ERBB4: variants seen among roughly 807,000 people sequenced by gnomAD.
ERBB4 encodes erb-b2 receptor tyrosine kinase 4, also known as receptor tyrosine-protein kinase erbB-4.
A neutral mutation model predicts 158.0 loss-of-function variants in ERBB4; 42 were observed. That is an observed-to-expected ratio of 0.27 (90% CI 0.21 to 0.34). The LOEUF (loss-of-function observed/expected upper bound fraction) is 0.34. Among genes scored for constraint, ERBB4 ranks in the 10% least tolerant of loss-of-function variants. The pLI is 1.00. For missense variants in ERBB4, 1,333 were observed against 1,624.1 expected (o/e 0.82, Z 3.08); for synonymous variants, 583 against 558.7 (o/e 1.04, Z -0.61).
Position 211,575,052 on chromosome 2 carries a change from C to G in ERBB4, c.2302-12964G>C, listed in dbSNP as rs149960037. Among the ~76,000 whole-genome samples, 141 of 152,244 alleles carry G rather than the reference C, an allele frequency of 9.3e-4. 1 individual carries two copies. In the East Asian group the frequency reaches 0.019, roughly 21 times the overall value. On this transcript the variant is annotated intron_variant, in intron 19 of 27. Transcript: ENST00000342788. ...GCAAGACACATTTAAAAGGGATAAA[C>G]CATTTGCCATGATTCTAAATTCCTT...
At chr2:212,228,784 G>C (rs2083564510) in intron 1 of ERBB4, among the ~76,000 whole-genome samples, 1 of 152,212 alleles carries the variant, frequency 6.6e-6, no homozygotes, top group Non-Finnish European at 1.5e-5. Flanking sequence ...TAATCAACCA[G>C]ATGATGATAT....
At chr2:211,947,126 G>A (rs2080721780) in intron 3 of ERBB4, among the ~76,000 whole-genome samples, 1 of 152,086 alleles carries the variant, frequency 6.6e-6, no homozygotes, top group South Asian at 2.1e-4. Flanking sequence ...ATGGTCCACT[G>A]TTCACCTGAA....
chr2:212,529,282 T>C (rs1032248965), intron 1 of ERBB4, among the ~76,000 whole-genome samples: 1 of 152,158 alleles, frequency 6.6e-6, no homozygotes, highest in Non-Finnish European at 1.5e-5. Context: ...AACATTAAAA[T>C]ACTGAACTAC....
At chr2:211,949,353 A>G (rs1472244959) in intron 2 of ERBB4, among the ~76,000 whole-genome samples, 2 of 152,176 alleles carry the variant, frequency 1.3e-5, no homozygotes, top group African/African-American at 4.8e-5. Flanking sequence ...ATGTATCAAA[A>G]TCTTTATGCC....
chr2:211,493,852 G>T (rs1006520472), intron 20 of ERBB4, among the ~76,000 whole-genome samples: 37 of 151,964 alleles, frequency 2.4e-4, no homozygotes, highest in African/African-American at 8.7e-4. Context: ...TCTCCAAATG[G>T]CATCAGTGTC....
chr2:212,393,734 T>A (rs2106443646), intron 1 of ERBB4, among the ~76,000 whole-genome samples: 1 of 152,248 alleles, frequency 6.6e-6, no homozygotes, highest in Admixed American at 6.6e-5. Context: ...TTTTCAAAAA[T>A]TTCCCTAAAA....
chr2:211,443,221 G>A (rs1424976752), intron 20 of ERBB4, among the ~76,000 whole-genome samples: 3 of 151,854 alleles, frequency 2.0e-5, no homozygotes, highest in Admixed American at 6.6e-5. Context: ...TAAAAATAAA[G>A]GAAGAGGAAA....
At chr2:211,910,851 A>G (rs1335332304) in intron 3 of ERBB4, among the ~76,000 whole-genome samples, 2 of 152,202 alleles carry the variant, frequency 1.3e-5, no homozygotes, top group Admixed American at 6.5e-5. Flanking sequence ...TAAGGGAACA[A>G]TAAGTCAATA....
chr2:211,388,095 C>A, intron 25 of ERBB4, 103 bp from the exon 26 acceptor site: 1 of 862,622 alleles, frequency 1.2e-6, no homozygotes, highest in Non-Finnish European at 2.0e-6. Context: ...GTCGTATGAA[C>A]CAAAGGGGAA....
At chr2:211,581,336 TC>T (rs2068097985) in intron 19 of ERBB4, among the ~76,000 whole-genome samples, 1 of 151,664 alleles carries the variant, frequency 6.6e-6, no homozygotes, top group African/African-American at 2.4e-5. Flanking sequence ...ACATTTTAAT[TC>T]CCCAAAAGTA....
intron 4 of ERBB4, among the ~76,000 whole-genome samples, chr2:211,787,123 A>T (rs1037039286): frequency 6.6e-6 from 1 of 152,216 alleles, no homozygotes; most frequent in Non-Finnish European, 1.5e-5. Flanking sequence ...CAAAAATGTC[A>T]TAACACAATC....
At chr2:211,756,459 G>A (rs938282160) in intron 4 of ERBB4, among the ~76,000 whole-genome samples, 2 of 152,156 alleles carry the variant, frequency 1.3e-5, no homozygotes, top group African/African-American at 2.4e-5. Context: ...CAGCTGGAGC[G>A]TGAGCTTACA....
chr2:211,946,576 C>CTCTTTTTTTT (rs1469968699), intron 3 of ERBB4, among the ~76,000 whole-genome samples: 5 of 49,586 alleles, frequency 1.0e-4, no homozygotes, highest in East Asian at 1.5e-3. Context: ...AATTAGCTCT[C>CTCTTTTTTTT]TTTTTTTTTT....
At chr2:211,943,788 G>C (rs2125127567) in intron 3 of ERBB4, among the ~76,000 whole-genome samples, 1 of 152,130 alleles carries the variant, frequency 6.6e-6, no homozygotes, top group Non-Finnish European at 1.5e-5. Flanking sequence ...CAACCAACAT[G>C]AAAGTATGTA....
intron 2 of ERBB4, among the ~76,000 whole-genome samples, chr2:212,073,753 G>C (rs993847616): frequency 1.3e-5 from 2 of 151,938 alleles, no homozygotes; most frequent in Non-Finnish European, 2.9e-5. Context: ...TTATCCATCA[G>C]ACTTGAACAA....
intron 3 of ERBB4, among the ~76,000 whole-genome samples, chr2:211,870,930 T>C (rs1404455257): frequency 6.6e-6 from 1 of 152,170 alleles, no homozygotes; most frequent in African/African-American, 2.4e-5. Context: ...TAAGTTTCTA[T>C]CACGCAGAAA....
At chr2:212,525,164 C>A (rs148669553) in intron 1 of ERBB4, among the ~76,000 whole-genome samples, 10 of 151,680 alleles carry the variant, frequency 6.6e-5, no homozygotes, top group Non-Finnish European at 1.3e-4. Flanking sequence ...AATTTGAAAA[C>A]GTCAAAAAGA....
At chr2:211,660,986 A>G (rs1044949692) in intron 15 of ERBB4, among the ~76,000 whole-genome samples, 18 of 152,300 alleles carry the variant, frequency 1.2e-4, no homozygotes, top group African/African-American at 3.8e-4. Flanking sequence ...CATGGTCACT[A>G]GAATTTAGGT....
intron 3 of ERBB4, among the ~76,000 whole-genome samples, chr2:211,815,892 C>T (rs1331489903): frequency 6.6e-6 from 1 of 152,170 alleles, no homozygotes; most frequent in African/African-American, 2.4e-5. Context: ...TCCTTCCTCT[C>T]CGGCCCTTGG....
Sources: gnomAD v4.1 joint callset for allele counts (sites outside exome capture counted in the v4.1 genomes callset) on GRCh38, gnomAD v4.1.1 for gene constraint, MANE v1.5 for transcripts, NCBI Gene and HGNC (gene_info 2026-07-23, HGNC 2026-07-21) for gene names.